Variants in ADARB2 observed in about 807,000 individuals in gnomAD.
ADARB2 encodes the protein inactive double-stranded RNA-specific editase B2.
A neutral mutation model predicts 62.2 loss-of-function variants in ADARB2; 25 were observed. The ratio of observed to expected loss-of-function variants is 0.40; its 90% CI spans 0.29 to 0.56. ADARB2 has a LOEUF of 0.56. ADARB2 is among the 20% of genes least tolerant of loss of function. The pLI is 0.43. For missense variants in ADARB2, 1,071 were observed against 1,077.4 expected (o/e 0.99, Z 0.08); for synonymous variants, 572 against 500.8 (o/e 1.14, Z -1.90).
chr10:1,525,866 C>T (rs1370887754), intron 1 of ADARB2, among the ~76,000 whole-genome samples: 1 of 151,306 alleles, frequency 6.6e-6, no homozygotes, highest in African/African-American at 2.4e-5. Context: ...CGCGTGTCTG[C>T]GTGCGTTTAT....
At chr10:1,241,419 G>C (rs1272328704) in intron 5 of ADARB2, among the ~76,000 whole-genome samples, 1 of 152,204 alleles carries the variant, frequency 6.6e-6, no homozygotes, top group Non-Finnish European at 1.5e-5. Context: ...TCGTAGATTT[G>C]AGGAACGCAG....
intron 1 of ADARB2, among the ~76,000 whole-genome samples, chr10:1,538,150 G>C (rs1012049460): frequency 2.0e-5 from 3 of 152,198 alleles, no homozygotes; most frequent in African/African-American, 7.2e-5. Flanking sequence ...GCACCTGCCT[G>C]CCTCCCTTCC....
intron 1 of ADARB2, among the ~76,000 whole-genome samples, chr10:1,666,004 G>T (rs114589920): frequency 9.2e-5 from 14 of 152,032 alleles, no homozygotes; most frequent in African/African-American, 3.4e-4. Context: ...GCAGGGAGCT[G>T]GGGCCCAGCC....
intron 1 of ADARB2, among the ~76,000 whole-genome samples, chr10:1,542,952 G>A (rs1832458119): frequency 6.6e-6 from 1 of 152,012 alleles, no homozygotes; most frequent in South Asian, 2.1e-4. Flanking sequence ...CCACTCAGAC[G>A]CAGTTGGGAC....
chr10:1,358,061 A>G (rs1832213951), intron 3 of ADARB2, among the ~76,000 whole-genome samples: 1 of 152,224 alleles, frequency 6.6e-6, no homozygotes, highest in Non-Finnish European at 1.5e-5. Flanking sequence ...TAACAGAGAG[A>G]GAGACAGACA....
intron 1 of ADARB2, among the ~76,000 whole-genome samples, chr10:1,690,751 G>T (rs562331976): frequency 3.9e-5 from 6 of 152,220 alleles, no homozygotes; most frequent in African/African-American, 7.2e-5. Flanking sequence ...TCCATGATCC[G>T]ATCCCTCTGG....
Position 1,723,604 on chromosome 10 carries a change from C to T in ADARB2, c.100+13447G>A, listed in dbSNP as rs144273132. ...TCAAACCTGGGAAAAGAACTGTCAG[C>T]GAGAAGTGAGAACGGTCCGCTTGCC... On this transcript the variant is annotated intron_variant, in intron 1 of 9. Transcript: ENST00000381312. 2.8e-3 allele frequency among the ~76,000 whole-genome samples: 430 copies of T among 152,226 alleles called. 1 individual carries two copies. The highest frequency in any genetic ancestry group is 8.5e-3 in the South Asian group (41 of 4,826).
At position 1,371,052 on chromosome 10, in the gene ADARB2, T is replaced by C. The variant is rs1236707260; in HGVS notation, c.188-7135A>G. On this transcript the variant is annotated intron_variant, in intron 2 of 9. Coordinates refer to ENST00000381312, the MANE Select transcript of ADARB2 (RefSeq NM_018702.4). ...TATCACATTGCCTGACTTTAAATTA[T>C]ACTACAAGTCTATAGTAAGAACAGG... Among the ~76,000 whole-genome samples the C allele has an allele frequency of 3.3e-5, 5 of 152,218 alleles. No homozygotes were observed. The East Asian group carries it at 5.8e-4, about 18-fold the overall frequency.
intron 6 of ADARB2, among the ~76,000 whole-genome samples, chr10:1,223,962 C>T (rs1830720467): frequency 6.6e-6 from 1 of 152,200 alleles, no homozygotes; most frequent in Non-Finnish European, 1.5e-5. Context: ...AGGATTCCCT[C>T]TTTTTCTATT....
At chr10:1,429,280 A>G (rs1830753483) in intron 1 of ADARB2, among the ~76,000 whole-genome samples, 1 of 152,226 alleles carries the variant, frequency 6.6e-6, no homozygotes, top group Non-Finnish European at 1.5e-5. Context: ...CATAATCAAA[A>G]TCTTAAATCA....
At chr10:1,375,855 CAT>C (rs1832420969) in intron 2 of ADARB2, among the ~76,000 whole-genome samples, 2 of 147,548 alleles carry the variant, frequency 1.4e-5, no homozygotes, top group Non-Finnish European at 3.0e-5. Flanking sequence ...CATGCACACA[CAT>C]GCACATGACA....
At chr10:1,390,056 TC>T in intron 1 of ADARB2, among the ~76,000 whole-genome samples, 1 of 152,334 alleles carries the variant, frequency 6.6e-6, no homozygotes, top group East Asian at 1.9e-4. Context: ...CAAATGCCCA[TC>T]AAGAGAAGAA....
chr10:1,410,975 G>A (rs1047683020), intron 1 of ADARB2, among the ~76,000 whole-genome samples: 9 of 152,146 alleles, frequency 5.9e-5, no homozygotes, highest in African/African-American at 1.9e-4. Flanking sequence ...CTCAGATCCC[G>A]GACTTTGGTG....
chr10:1,194,629 A>G (rs972437271), intron 8 of ADARB2, among the ~76,000 whole-genome samples: 1 of 152,124 alleles, frequency 6.6e-6, no homozygotes, highest in African/African-American at 2.4e-5. Context: ...TTTCTTCAGA[A>G]CTGTGCTCCC....
At chr10:1,603,521 G>A (rs1472144342) in intron 1 of ADARB2, among the ~76,000 whole-genome samples, 1 of 152,038 alleles carries the variant, frequency 6.6e-6, no homozygotes, top group Non-Finnish European at 1.5e-5. Flanking sequence ...ACCCTGATTA[G>A]AACGATTTCC....
At chr10:1,662,389 C>T (rs7070728) in intron 1 of ADARB2, among the ~76,000 whole-genome samples, 74,973 of 151,916 alleles carry the variant, frequency 0.49, 19,485 homozygotes, top group East Asian at 0.69. Flanking sequence ...GCAGGGCCCT[C>T]GGAGCCCCCT....
At chr10:1,245,283 T>A (rs1475934946) in intron 4 of ADARB2, among the ~76,000 whole-genome samples, 1 of 152,204 alleles carries the variant, frequency 6.6e-6, no homozygotes, top group Admixed American at 6.5e-5. Flanking sequence ...TACCACACAT[T>A]ACAAATGAGA....
At chr10:1,427,186 G>A (rs1419915420) in intron 1 of ADARB2, among the ~76,000 whole-genome samples, 1 of 152,232 alleles carries the variant, frequency 6.6e-6, no homozygotes, top group Non-Finnish European at 1.5e-5. Context: ...GTTCTCAGAT[G>A]TGATGCTGAG....
intron 1 of ADARB2, among the ~76,000 whole-genome samples, chr10:1,498,949 C>A (rs1185739885): frequency 1.3e-5 from 2 of 152,006 alleles, no homozygotes; most frequent in African/African-American, 2.4e-5. Context: ...ACTCATTACT[C>A]ATTTATTACT....
Sources: gnomAD v4.1 joint callset for allele counts (sites outside exome capture counted in the v4.1 genomes callset) on GRCh38, gnomAD v4.1.1 for gene constraint, MANE v1.5 for transcripts, NCBI Gene and HGNC (gene_info 2026-07-23, HGNC 2026-07-21) for gene names.